HIPK3: variants seen among roughly 807,000 people sequenced by gnomAD.
HIPK3 encodes homeodomain interacting protein kinase 3, also known as homeodomain-interacting protein kinase 3.
A neutral mutation model predicts 124.2 loss-of-function variants in HIPK3; 47 were observed. The observed-to-expected ratio is 0.38, with a 90% CI of 0.30 to 0.48. The LOEUF (loss-of-function observed/expected upper bound fraction) is 0.48. Among genes scored for constraint, HIPK3 ranks in the 20% least tolerant of loss-of-function variants. HIPK3 has a pLI of 0.98. For synonymous variants in HIPK3, 482 were observed against 515.2 expected (o/e 0.94, Z 0.87); for missense variants, 1,286 against 1,454.3 (o/e 0.88, Z 1.88).
chr11:33,257,402 G>C lies in HIPK3; in HGVS notation c.-490G>C. The C allele has an allele frequency of 1.0e-6, 1 of 985,166 alleles. No homozygotes were observed. Among genetic ancestry groups the C allele is most frequent in the South Asian group, 4.7e-5 (1 of 21,288 alleles). 61.0% of individuals were successfully genotyped at this position (985,166 alleles called of 1,614,324 possible). ...GGCTGGTGGCAGCTGCCTCAGTGACGACTGCCGGCATCGCGGCGACCTGAG... is the reference window on the plus strand; with the variant it reads ...GGCTGGTGGCAGCTGCCTCAGTGACCACTGCCGGCATCGCGGCGACCTGAG... On this transcript the variant is annotated 5_prime_UTR_variant, in exon 1 of 17. Transcript: ENST00000303296.
At chr11:33,347,149 C>T in intron 8 of HIPK3, 144 bp from the exon 9 acceptor site, 1 of 654,478 alleles carries the variant, frequency 1.5e-6, no homozygotes, top group Non-Finnish European at 2.5e-6. Context: ...CACTGTGCTC[C>T]AGTCTGGGCA....
intron 1 of HIPK3, among the ~76,000 whole-genome samples, chr11:33,282,239 G>A (rs952940009): frequency 1.3e-5 from 2 of 151,860 alleles, no homozygotes; most frequent in Admixed American, 1.3e-4. Context: ...TTAAAAATTA[G>A]CTGGGCATGG....
chr11:33,313,011 A>G (rs1852396435), intron 2 of HIPK3, among the ~76,000 whole-genome samples: 2 of 152,348 alleles, frequency 1.3e-5, no homozygotes, highest in South Asian at 4.1e-4. Context: ...AGCACATAAC[A>G]ATTGTTCTAA....
chr11:33,312,787 T>A (rs1473345049), intron 2 of HIPK3, among the ~76,000 whole-genome samples: 1 of 152,194 alleles, frequency 6.6e-6, no homozygotes, highest in Non-Finnish European at 1.5e-5. Flanking sequence ...CTTTTGGGTT[T>A]AAGGGAGACT....
rs565681714 is a variant in HIPK3, at chr11:33,284,122, T to G, written c.-2-2291T>G. 4.5e-4 allele frequency among the ~76,000 whole-genome samples: 68 copies of G among 152,360 alleles called. 1 individual carries two copies. Among genetic ancestry groups the G allele is most frequent in the South Asian group, 1.0e-3 (5 of 4,830 alleles). On this transcript the variant is annotated intron_variant, in intron 1 of 16. Transcript: ENST00000303296. ...TCGATATTACAGATTGATGGTAATC[T>G]GTGGATTCTGAGTTAAAGAACTGAT...
At chr11:33,309,786 C>T (rs1207923283) in intron 2 of HIPK3, among the ~76,000 whole-genome samples, 2 of 152,192 alleles carry the variant, frequency 1.3e-5, no homozygotes, top group South Asian at 4.1e-4. Flanking sequence ...TACCAGTACA[C>T]TGTACTGCTA....
At chr11:33,344,938 A>G (rs1243149573) in intron 8 of HIPK3, among the ~76,000 whole-genome samples, 1 of 152,170 alleles carries the variant, frequency 6.6e-6, no homozygotes, top group Non-Finnish European at 1.5e-5. Flanking sequence ...GAATGTGTCA[A>G]TCCATTTACA....
Position 33,286,746 on chromosome 11 carries a change from C to T in HIPK3, c.332C>T (p.Ala111Val), listed in dbSNP as rs375017758. 2.7e-5 allele frequency: 43 copies of T among 1,613,864 alleles called. No individual in the cohort carries two copies. In the African/African-American group the frequency reaches 3.6e-4, roughly 14 times the overall value. ...CACGTGCAGGCACCTCAGATTGGGGCGTGGCGAAACAGATTGCATTTCCTA... is the reference window on the plus strand; with the variant it reads ...CACGTGCAGGCACCTCAGATTGGGGTGTGGCGAAACAGATTGCATTTCCTA... ...QAHVQAPQIG[A>V]WRNRLHFLEG... The change falls in exon 2 of 17, where the codon GCG becomes GTG. Residue 111 changes from alanine to valine, a missense_variant. Physicochemically the swap from Ala to Val is moderately conservative, Grantham distance 64. Around this residue, in one of 3 missense-constraint regions of HIPK3, gnomAD observed 225 missense variants for 240.3 expected, o/e 0.94. Transcript: ENST00000303296.
At chr11:33,311,272 A>ACC (rs1035146584) in intron 2 of HIPK3, among the ~76,000 whole-genome samples, 1 of 151,722 alleles carries the variant, frequency 6.6e-6, no homozygotes, top group Non-Finnish European at 1.5e-5. Flanking sequence ...CACAGCATTG[A>ACC]CCCCCTGGGC....
At chr11:33,300,080 G>A (rs1029364449) in intron 2 of HIPK3, among the ~76,000 whole-genome samples, 4 of 150,852 alleles carry the variant, frequency 2.7e-5, no homozygotes, top group African/African-American at 9.8e-5. Flanking sequence ...GGCGGCTCAT[G>A]CCTATAATCC....
At chr11:33,323,760 A>G (rs928451068) in intron 2 of HIPK3, among the ~76,000 whole-genome samples, 16 of 152,260 alleles carry the variant, frequency 1.1e-4, no homozygotes, top group African/African-American at 3.4e-4. Context: ...CTAAAAGCAC[A>G]TGGCAAAAAA....
At chr11:33,265,450 G>A (rs746319877) in intron 1 of HIPK3, among the ~76,000 whole-genome samples, 5 of 152,112 alleles carry the variant, frequency 3.3e-5, no homozygotes, top group Non-Finnish European at 5.9e-5. Context: ...TTATTATGAC[G>A]GGTAATGATA....
intron 2 of HIPK3, among the ~76,000 whole-genome samples, chr11:33,311,573 C>G (rs1165342521): frequency 6.6e-6 from 1 of 152,026 alleles, no homozygotes; most frequent in East Asian, 1.9e-4. Context: ...CTGTATACCC[C>G]CTGCCTCTGT....
intron 2 of HIPK3, among the ~76,000 whole-genome samples, chr11:33,313,508 TTGTG>T (rs1326417631): frequency 6.6e-6 from 1 of 152,124 alleles, no homozygotes; most frequent in Non-Finnish European, 1.5e-5. Context: ...AAAATTATAT[TTGTG>T]TGTGTATATA....
chr11:33,278,094 TG>T (rs1000520987), intron 1 of HIPK3, among the ~76,000 whole-genome samples: 2 of 152,072 alleles, frequency 1.3e-5, no homozygotes, highest in African/African-American at 4.8e-5. Context: ...CTTCTAAGAG[TG>T]TGTGTTTTTT....
rs1343016137 is a variant in HIPK3 at position 33,354,958 on chromosome 11, T to A, written c.*1390T>A. On this transcript the variant is annotated 3_prime_UTR_variant, in exon 17 of 17. Transcript: ENST00000303296. ...CCATTTCCTATATAAAGGTAGCTAC[T>A]TTTTGCATAGACCTCAAGTATATTG... The A allele has an allele frequency of 6.6e-6, 1 of 152,032 alleles. No homozygotes were observed. Among genetic ancestry groups the A allele is most frequent in the Non-Finnish European group, 1.5e-5 (1 of 67,932 alleles). 9.4% of individuals were successfully genotyped at this position (152,032 alleles called of 1,614,324 possible). A position where few individuals can be genotyped will look rare whatever the true frequency, so the allele number is the denominator to read the frequency against.
At chr11:33,263,343 G>A (rs1850874315) in intron 1 of HIPK3, among the ~76,000 whole-genome samples, 1 of 152,062 alleles carries the variant, frequency 6.6e-6, no homozygotes, top group African/African-American at 2.4e-5. Context: ...TTGAGACAGG[G>A]CCTCGCTCTG....
chr11:33,318,315 T>C (rs1279416522), intron 2 of HIPK3, among the ~76,000 whole-genome samples: 1 of 152,046 alleles, frequency 6.6e-6, no homozygotes, highest in Non-Finnish European at 1.5e-5. Flanking sequence ...AGTCCTCCCA[T>C]GTTGGCCACC....
Position 33,351,645 on chromosome 11 carries a change from G to A in HIPK3, c.2845G>A (p.Val949Met). Residue 949 changes from valine to methionine, a missense_variant, in exon 15 of 17, where the codon GTG (valine) becomes ATG (methionine). Physicochemically the swap from Val to Met is conservative, Grantham distance 21. Around this residue, in one of 3 missense-constraint regions of HIPK3, gnomAD observed 810 missense variants for 864.9 expected, o/e 0.94. Coordinates refer to ENST00000303296, the MANE Select transcript of HIPK3 (RefSeq NM_005734.5). ...AGAGCAAGAAAGTAGTTGTGATACG[G>A]TGGATGGCTCTCCGACATCTGACTC... The part of the protein sequence containing the change: ...DEEQESSCDT[V>M]DGSPTSDSSG... 1.2e-6 allele frequency: 2 copies of A among 1,614,176 alleles called. No homozygotes were observed. The highest frequency in any genetic ancestry group is 1.1e-5 in the South Asian group (1 of 91,086).
Sources: gnomAD v4.1 joint callset for allele counts (sites outside exome capture counted in the v4.1 genomes callset) on GRCh38, gnomAD v4.1.1 for gene constraint, gnomAD v4.1.1 regional missense constraint, MANE v1.5 for transcripts, NCBI Gene and HGNC (gene_info 2026-07-23, HGNC 2026-07-21) for gene names.